The following MGAT4C variants were observed in gnomAD, a reference collection of about 807,000 sequenced individuals.
MGAT4C encodes the protein MGAT4 family member C, also known as alpha-1,3-mannosyl-glycoprotein 4-beta-N-acetylglucosaminyltransferase C.
MGAT4C carries 19 observed loss-of-function variants against 40.1 expected under a neutral mutation model. That is an observed-to-expected ratio of 0.47 (90% confidence interval 0.33 to 0.70). The LOEUF (loss-of-function observed/expected upper bound fraction) is 0.70, where lower values mean the gene tolerates loss of function less well. MGAT4C is among the 30% of genes least tolerant of loss of function. The probability of loss-of-function intolerance (pLI) is 0.02; values close to 1 mark genes in which losing one functional copy is unlikely to be tolerated. For synonymous variants in MGAT4C, 181 were observed against 187.1 expected (o/e 0.97, Z 0.27); for missense variants, 491 against 563.2 (o/e 0.87, Z 1.30).
At chr12:86,539,093 T>C (rs1959128352) in intron 2 of MGAT4C, among the ~76,000 whole-genome samples, 1 of 152,164 alleles carries the variant, frequency 6.6e-6, no homozygotes, top group Non-Finnish European at 1.5e-5. Context: ...GTTACATATG[T>C]ATACATGTGC....
At chr12:86,540,325 A>ACTAACAAT (rs1959151640) in intron 2 of MGAT4C, among the ~76,000 whole-genome samples, 1 of 152,238 alleles carries the variant, frequency 6.6e-6, no homozygotes, top group African/African-American at 2.4e-5. Flanking sequence ...CCCAAAAACA[A>ACTAACAAT]CTAACAATCA....
At chr12:86,686,139 A>T (rs1950068813) in intron 2 of MGAT4C, among the ~76,000 whole-genome samples, 1 of 151,772 alleles carries the variant, frequency 6.6e-6, no homozygotes, top group Non-Finnish European at 1.5e-5. Flanking sequence ...TCAGCCTCCC[A>T]AAGTGCTGGG....
intron 3 of MGAT4C, among the ~76,000 whole-genome samples, chr12:86,387,391 C>A (rs1956073139): frequency 1.3e-5 from 2 of 151,960 alleles, no homozygotes; most frequent in Non-Finnish European, 1.5e-5. Context: ...GTGTATTTCA[C>A]AGATGTGTAA....
intron 4 of MGAT4C, among the ~76,000 whole-genome samples, chr12:86,328,690 C>T (rs1025277494): frequency 6.6e-6 from 1 of 152,068 alleles, no homozygotes; most frequent in Non-Finnish European, 1.5e-5. Flanking sequence ...CAAATATCAT[C>T]TTCACAAACG....
intron 1 of MGAT4C, among the ~76,000 whole-genome samples, chr12:86,799,593 A>G (rs758887751): frequency 1.3e-5 from 2 of 151,964 alleles, no homozygotes; most frequent in Non-Finnish European, 2.9e-5. Context: ...AGAGAGAACA[A>G]TACTAGAAGC....
intron 1 of MGAT4C, among the ~76,000 whole-genome samples, chr12:86,237,838 A>G (rs1951618752): frequency 6.6e-6 from 1 of 151,954 alleles, no homozygotes; most frequent in Non-Finnish European, 1.5e-5. Flanking sequence ...AGATAATTTT[A>G]TCTTGCGATC....
intron 4 of MGAT4C, among the ~76,000 whole-genome samples, chr12:86,288,581 C>T (rs1428503833): frequency 6.6e-6 from 1 of 152,096 alleles, no homozygotes; most frequent in Non-Finnish European, 1.5e-5. Context: ...CCAATTTTCC[C>T]AACACCATTT....
chr12:86,603,498 TACTATATATAGTCTATAGTCTATAG>T (rs1243082774), intron 2 of MGAT4C, among the ~76,000 whole-genome samples: 1 of 80,748 alleles, frequency 1.2e-5, no homozygotes, highest in Non-Finnish European at 2.2e-5. Flanking sequence ...ATATAATATA[TACTATATATAGTCTATAGTCTATAG>T]ACTATATATA....
chr12:86,463,316 G>T (rs2136297354), intron 2 of MGAT4C, among the ~76,000 whole-genome samples: 1 of 152,148 alleles, frequency 6.6e-6, no homozygotes, highest in Non-Finnish European at 1.5e-5. Context: ...ATAGTCTTTT[G>T]CTTGGGATCT....
At chr12:86,104,050 T>A (rs1875638097) in intron 1 of MGAT4C, among the ~76,000 whole-genome samples, 1 of 151,960 alleles carries the variant, frequency 6.6e-6, no homozygotes, top group African/African-American at 2.4e-5. Flanking sequence ...AGGTCTGAAT[T>A]TCCTCTGTCT....
chr12:86,197,765 T>C (rs1315270495), intron 1 of MGAT4C, among the ~76,000 whole-genome samples: 1 of 152,226 alleles, frequency 6.6e-6, no homozygotes, highest in Non-Finnish European at 1.5e-5. Flanking sequence ...ATCATCTTTT[T>C]AACTCAAAAA....
chr12:86,412,378 T>A (rs1026235764), intron 3 of MGAT4C, among the ~76,000 whole-genome samples: 1 of 152,208 alleles, frequency 6.6e-6, no homozygotes, highest in Non-Finnish European at 1.5e-5. Context: ...GAGACAGAGA[T>A]GCCCAAAGTT....
At chr12:86,373,579 A>G (rs763445221) in intron 3 of MGAT4C, among the ~76,000 whole-genome samples, 24 of 152,010 alleles carry the variant, frequency 1.6e-4, no homozygotes, top group Non-Finnish European at 3.1e-4. Context: ...GAAATGTTTA[A>G]TAATTCTGTA....
At chr12:86,831,459 G>A (rs367992180) in intron 1 of MGAT4C, among the ~76,000 whole-genome samples, 5 of 151,676 alleles carry the variant, frequency 3.3e-5, no homozygotes, top group Non-Finnish European at 5.9e-5. Flanking sequence ...AATCTCCTGC[G>A]AGTAAGGCTT....
chr12:86,338,895 G>T (rs1413790791), intron 3 of MGAT4C, among the ~76,000 whole-genome samples: 1 of 126,488 alleles, frequency 7.9e-6, no homozygotes, highest in African/African-American at 3.0e-5. Context: ...GGTGGCAGAA[G>T]TTGCAGTGAG....
chr12:86,682,684 G>T (rs1950003715), intron 2 of MGAT4C, among the ~76,000 whole-genome samples: 1 of 152,032 alleles, frequency 6.6e-6, no homozygotes, highest in Admixed American at 6.6e-5. Flanking sequence ...TTCTGAGCTT[G>T]CTATTAAATG....
rs146433196 is a variant in MGAT4C at position 86,081,811 on chromosome 12, G to A, written c.-56-32088C>T. On this transcript the variant is annotated intron_variant, in intron 1 of 4. Coordinates refer to ENST00000611864, the MANE Select transcript of MGAT4C (RefSeq NM_001351288.2). ...GCCAACTATCTGGAAATATCCCCCC[G>A]TTGTCCTAAGATATAACATTGCCGA... 3.3e-3 allele frequency among the ~76,000 whole-genome samples: 497 copies of A among 152,238 alleles called. 4 individuals are homozygous for A. The highest frequency in any genetic ancestry group is 0.011 in the African/African-American group (461 of 41,544).
intron 1 of MGAT4C, among the ~76,000 whole-genome samples, chr12:86,789,803 G>C (rs557668717): frequency 8.2e-4 from 125 of 152,232 alleles, no homozygotes; most frequent in African/African-American, 2.9e-3. Flanking sequence ...TAAAAACTTT[G>C]AATAGATTAA....
intron 2 of MGAT4C, among the ~76,000 whole-genome samples, chr12:86,540,611 C>T (rs1206635852): frequency 6.6e-6 from 1 of 152,110 alleles, no homozygotes; most frequent in Non-Finnish European, 1.5e-5. Flanking sequence ...TGGCACGAGC[C>T]TGTAGTCCCA....
Sources: allele counts gnomAD v4.1 joint callset (sites outside exome capture counted in the v4.1 genomes callset), GRCh38; gene constraint gnomAD v4.1.1; transcripts MANE v1.5; gene names NCBI Gene and HGNC (gene_info 2026-07-23, HGNC 2026-07-21).